Variants in C17orf67 observed in about 807,000 individuals in gnomAD.
The protein encoded by C17orf67 is chromosome 17 open reading frame 67.
Under a neutral mutation model 11.2 loss-of-function variants are expected in C17orf67, and 12 were observed. That is an observed-to-expected ratio of 1.07 (90% confidence interval 0.68 to 1.73). The LOEUF (loss-of-function observed/expected upper bound fraction) is 1.73. C17orf67 is among the 40% of genes most tolerant of loss of function. C17orf67 has a pLI of 0.00. For missense variants in C17orf67, 115 were observed against 113.5 expected (o/e 1.01, Z -0.06); for synonymous variants, 59 against 46.9 (o/e 1.26, Z -1.05).
intron 4 of C17orf67, among the ~76,000 whole-genome samples, chr17:56,823,339 A>G (rs1905950371): frequency 6.6e-6 from 1 of 152,188 alleles, no homozygotes; most frequent in South Asian, 2.1e-4. Flanking sequence ...GTGCATTAGA[A>G]TCACCTGAGG....
At chr17:56,797,044 TCCTCCCAACAGCAGGGAGTGGCCCTGC>T (rs1905227201) in intron 6 of C17orf67, among the ~76,000 whole-genome samples, 1 of 151,918 alleles carries the variant, frequency 6.6e-6, no homozygotes, top group African/African-American at 2.4e-5. Context: ...CTTCCCCCAC[TCCTCCCAACAGCAGGGAGTGGCCCTGC>T]CCTCCCACCT....
At chr17:56,824,238 C>G (rs1281327138) in intron 4 of C17orf67, among the ~76,000 whole-genome samples, 2 of 152,142 alleles carry the variant, frequency 1.3e-5, no homozygotes, top group African/African-American at 2.4e-5. Context: ...TAAAATTGAG[C>G]CTGGATCACT....
chr17:56,795,866 C>A (rs542042257), intron 6 of C17orf67, among the ~76,000 whole-genome samples: 1 of 152,198 alleles, frequency 6.6e-6, no homozygotes, highest in Admixed American at 6.5e-5. Flanking sequence ...ATAGATGGGT[C>A]TTAGAAATAG....
chr17:56,806,006 G>A (rs868047787), intron 6 of C17orf67, among the ~76,000 whole-genome samples: 9 of 108,438 alleles, frequency 8.3e-5, no homozygotes, highest in South Asian at 3.1e-4. Flanking sequence ...ACAGAGTCTC[G>A]CTCTGTCGTC....
Position 56,833,179 on chromosome 17 carries a change from C to G in C17orf67, c.-838G>C, listed in dbSNP as rs1157619273. The G allele has an allele frequency of 2.0e-5, 3 of 152,888 alleles. No homozygotes were observed. Among genetic ancestry groups the G allele is most frequent in the Non-Finnish European group, 2.9e-5 (2 of 68,464 alleles). The allele number at this position is 152,888 out of a possible 1,614,324, so 9.5% of individuals were successfully genotyped here. A position where few individuals can be genotyped will look rare whatever the true frequency, so the allele number is the denominator to read the frequency against. On this transcript the variant is annotated 5_prime_UTR_variant, in exon 2 of 8. Coordinates refer to ENST00000397861, the MANE Select transcript of C17orf67 (RefSeq NM_001085430.4). ...GCGCCGGGGCGGTGCCTGTGCCTCT[C>G]TGGATTCCGTGTTTCTTCGGGGGTG...
At chr17:56,830,961 G>A (rs1185201843) in intron 2 of C17orf67, among the ~76,000 whole-genome samples, 1 of 152,246 alleles carries the variant, frequency 6.6e-6, no homozygotes, top group East Asian at 1.9e-4. Flanking sequence ...TGAGTCTGGT[G>A]GGCGTGAGGA....
intron 2 of C17orf67, among the ~76,000 whole-genome samples, chr17:56,828,274 G>A (rs931392132): frequency 7.9e-5 from 12 of 151,952 alleles, no homozygotes; most frequent in African/African-American, 1.7e-4. Flanking sequence ...ACGTGGTGGC[G>A]CATGCGTGTA....
chr17:56,798,206 A>C (rs1209447746), intron 6 of C17orf67, among the ~76,000 whole-genome samples: 1 of 152,194 alleles, frequency 6.6e-6, no homozygotes, highest in African/African-American at 2.4e-5. Flanking sequence ...TGCCCAGCTT[A>C]GGCCCCAGCC....
intron 2 of C17orf67, among the ~76,000 whole-genome samples, chr17:56,830,276 C>T (rs1598003509): frequency 3.3e-5 from 5 of 151,152 alleles, no homozygotes; most frequent in South Asian, 4.2e-4. Context: ...ACCTGGGAGG[C>T]GGAGCTTGCA....
intron 6 of C17orf67, among the ~76,000 whole-genome samples, chr17:56,804,477 A>G (rs1905398723): frequency 6.6e-6 from 1 of 152,244 alleles, no homozygotes; most frequent in Non-Finnish European, 1.5e-5. Flanking sequence ...GTCCTAAAGA[A>G]AGGCAGAACA....
At chr17:56,812,290 G>T (rs886300531) in intron 6 of C17orf67, among the ~76,000 whole-genome samples, 2 of 152,172 alleles carry the variant, frequency 1.3e-5, no homozygotes, top group African/African-American at 4.8e-5. Context: ...GGTGGAGGCT[G>T]CCCTGTGCCC....
chr17:56,825,633 C>G (rs1216316667), intron 2 of C17orf67, among the ~76,000 whole-genome samples: 1 of 152,030 alleles, frequency 6.6e-6, no homozygotes, highest in Non-Finnish European at 1.5e-5. Context: ...TTAGAAATAG[C>G]TACAACAAAA....
chr17:56,818,874 C>A (rs1905828807), intron 4 of C17orf67, among the ~76,000 whole-genome samples: 1 of 152,092 alleles, frequency 6.6e-6, no homozygotes, highest in Admixed American at 6.5e-5. Context: ...GGATCTAGAT[C>A]CTTCCGTCTC....
chr17:56,823,358 A>C (rs571198703), intron 4 of C17orf67, among the ~76,000 whole-genome samples: 6 of 152,272 alleles, frequency 3.9e-5, no homozygotes, highest in South Asian at 2.1e-4. Flanking sequence ...GGTTCAACAG[A>C]CATCTAGAAC....
chr17:56,824,506 T>C (rs1905979932), intron 4 of C17orf67, among the ~76,000 whole-genome samples: 1 of 152,168 alleles, frequency 6.6e-6, no homozygotes, highest in African/African-American at 2.4e-5. Context: ...CCACACCCCA[T>C]TGCATGGATT....
Position 56,814,869 on chromosome 17 carries a change from C to T in C17orf67, c.156G>A (p.Arg52=), listed in dbSNP as rs561267970. Residue 52 remains arginine, a splice_region_variant and synonymous_variant, in exon 6 of 8, where the codon CGG becomes CGA. Transcript: ENST00000397861. ...AAAACTGCCAGAGCAAAGCACTCAC[C>T]CGCATTGGCTCATCGGGGAATCCGG... ...SKPGFPDEPM[R]EYMHHLLALE... 1.9e-6 allele frequency: 3 copies of T among 1,613,624 alleles called. No individual in the cohort carries two copies. Among genetic ancestry groups the T allele is most frequent in the East Asian group, 2.2e-5 (1 of 44,892 alleles).
rs1567804214 is a variant in C17orf67, at chr17:56,833,349, G to T, written c.-1001-7C>A. ...ATTCCTCCGGAACCTGGGGCTGGAC[G>T]ACAGCAGCAGGAGGCGTGCTCCCAT... is the stretch of plus-strand genomic sequence containing the variant. On this transcript the variant is annotated splice_polypyrimidine_tract_variant and splice_region_variant and intron_variant, in intron 1 of 7. Transcript: ENST00000397861. 2 of 153,780 alleles carry T rather than the reference G, an allele frequency of 1.3e-5. No homozygotes were observed. The highest frequency in any genetic ancestry group is 3.6e-4 in the South Asian group (2 of 5,584). 9.5% of individuals were successfully genotyped at this position (153,780 alleles called of 1,614,324 possible).
At chr17:56,821,346 A>C (rs907356852) in intron 4 of C17orf67, among the ~76,000 whole-genome samples, 1 of 152,222 alleles carries the variant, frequency 6.6e-6, no homozygotes, top group African/African-American at 2.4e-5. Flanking sequence ...TGTACATTGT[A>C]AAGAATTATA....
chr17:56,795,069 C>T lies in C17orf67; in HGVS notation c.268G>A (p.Val90Met), dbSNP rs1188736446. ...PHCDRNRIHP[V>M] is the part of the protein sequence containing the mutation. ...CGAGGCTGGTCCTGATCCCCTTACA[C>T]AGGATGAATCCTGTTCCTGTCACAG... Residue 90 changes from valine to methionine, a missense_variant, in exon 7 of 8, where the codon GTG becomes ATG. Coordinates refer to ENST00000397861, the MANE Select transcript of C17orf67 (RefSeq NM_001085430.4). 8.1e-6 allele frequency: 13 copies of T among 1,613,802 alleles called. No homozygotes were observed. The highest frequency in any genetic ancestry group is 1.3e-5 in the African/African-American group (1 of 75,042).
Sources: gnomAD v4.1 joint callset for allele counts (sites outside exome capture counted in the v4.1 genomes callset) on GRCh38, gnomAD v4.1.1 for gene constraint, MANE v1.5 for transcripts, NCBI Gene and HGNC (gene_info 2026-07-23, HGNC 2026-07-21) for gene names.